ARHGEF28: variants seen among roughly 807,000 people sequenced by gnomAD.
ARHGEF28 encodes the protein Rho guanine nucleotide exchange factor 28.
Under a neutral mutation model 206.6 loss-of-function variants are expected in ARHGEF28, and 152 were observed. The ratio of observed to expected loss-of-function variants is 0.74; its 90% CI spans 0.64 to 0.84. The LOEUF (loss-of-function observed/expected upper bound fraction) is 0.84, where lower values mean the gene tolerates loss of function less well. ARHGEF28 is among the 40% of genes least tolerant of loss of function. The pLI is 0.00. For synonymous variants in ARHGEF28, 763 were observed against 776.4 expected (o/e 0.98, Z 0.29); for missense variants, 2,028 against 2,073.2 (o/e 0.98, Z 0.42).
intron 2 of ARHGEF28, among the ~76,000 whole-genome samples, chr5:73,741,971 T>C (rs147948409): frequency 0.011 from 1,712 of 152,252 alleles, 19 homozygotes; most frequent in Admixed American, 0.023. Context: ...TGTTAACTTT[T>C]GCTTTATATC....
At chr5:73,744,276 A>G (rs938707497) in intron 2 of ARHGEF28, among the ~76,000 whole-genome samples, 1 of 152,168 alleles carries the variant, frequency 6.6e-6, no homozygotes, top group African/African-American at 2.4e-5. Context: ...CTTTGTGCCC[A>G]CGGTGCTTCC....
Position 73,925,313 on chromosome 5 carries a change from G to A in ARHGEF28, c.4948+13738G>A, listed in dbSNP as rs575303743. On this transcript the variant is annotated intron_variant, in intron 35 of 35. Transcript: ENST00000513042. ...CCATAGGAATTCTGTTCATTGTGTG[G>A]AAGGCTACGCACCCCCACATCCCCA... Among the ~76,000 whole-genome samples, 6 of 152,218 alleles carry A rather than the reference G, an allele frequency of 3.9e-5. No homozygotes were observed. In the South Asian group the frequency reaches 1.2e-3, roughly 32 times the overall value.
chr5:73,840,937 A>G lies in ARHGEF28; in HGVS notation c.1427+177A>G, dbSNP rs1226067873. ...GAAAGTAAGACACTTAAGAAAACTG[A>G]CTAAAATATGATAAAGGAAAACCAC... is the stretch of plus-strand genomic sequence containing the variant. On this transcript the variant is annotated intron_variant, in intron 11 of 35. Coordinates refer to ENST00000513042, the MANE Select transcript of ARHGEF28 (RefSeq NM_001177693.2). Among the ~76,000 whole-genome samples, 3 of 152,204 alleles carry G rather than the reference A, an allele frequency of 2.0e-5. No individual in the cohort carries two copies. The East Asian group carries it at 5.8e-4, about 29-fold the overall frequency.
intron 9 of ARHGEF28, among the ~76,000 whole-genome samples, chr5:73,824,136 G>C (rs1318817308): frequency 6.6e-6 from 1 of 152,068 alleles, no homozygotes; most frequent in Admixed American, 6.5e-5. Context: ...TTGCATATCT[G>C]CCTGATCATC....
In ARHGEF28 at chr5:73,773,961, AC is replaced by A; in HGVS notation, c.585del (p.Asn196ThrfsTer8). 6.2e-7 allele frequency: 1 copy of A among 1,607,248 alleles called. No homozygotes were observed. Among genetic ancestry groups the A allele is most frequent in the East Asian group, 2.2e-5 (1 of 44,750 alleles). On this transcript the variant is annotated frameshift_variant, in exon 5 of 36. Coordinates refer to ENST00000513042, the MANE Select transcript of ARHGEF28 (RefSeq NM_001177693.2). LOFTEE classifies it high-confidence loss of function. ...CGGGGGGAGTCCAGGCCTTGGCTTTACCCAACGAAGAGGGTGCCACACCATT... is the reference window on the plus strand; with the variant it reads ...CGGGGGGAGTCCAGGCCTTGGCTTTACCAACGAAGAGGGTGCCACACCATT... ...LPGGVQALAL[P>X]NEEGATPLDL... is the part of the protein sequence containing the mutation.
At position 73,909,896 on chromosome 5, in the gene ARHGEF28, A is replaced by G. The variant is rs1397400151; in HGVS notation, c.4646A>G (p.Glu1549Gly). The G allele has an allele frequency of 1.3e-6, 2 of 1,500,502 alleles. No homozygotes were observed. Among genetic ancestry groups the G allele is most frequent in the African/African-American group, 1.4e-5 (1 of 71,406 alleles). The allele number at this position is 1,500,502 out of a possible 1,614,324, so 92.9% of individuals were successfully genotyped here. The change falls in exon 34 of 36, where the codon GAG (glutamate) becomes GGG (glycine). Residue 1549 changes from glutamate to glycine, a missense_variant and splice_region_variant. By Grantham distance (98) the Glu-to-Gly change is moderately conservative. Transcript: ENST00000513042. Reference protein sequence around the residue: ...LPAVLLPGGPEVMELNRSESL... With the variant: ...LPAVLLPGGPGVMELNRSESL... Reference sequence around the variant, plus strand: ...GCGGTGCTCCTTCCGGGTGGCCCCGAGGTATGGACCTTCTGCGGTGCTGTG... The same window carrying G: ...GCGGTGCTCCTTCCGGGTGGCCCCGGGGTATGGACCTTCTGCGGTGCTGTG...
intron 22 of ARHGEF28, among the ~76,000 whole-genome samples, chr5:73,875,653 C>T (rs1479179909): frequency 1.3e-5 from 2 of 151,838 alleles, no homozygotes; most frequent in Non-Finnish European, 2.9e-5. Context: ...GCCAGTTTTC[C>T]CAGCACCATT....
intron 35 of ARHGEF28, chr5:73,923,269 TGAGATAAAGCATGGTAAAAA>T: frequency 1.0e-6 from 1 of 1,003,822 alleles, no homozygotes; most frequent in Non-Finnish European, 1.4e-6. Flanking sequence ...ACAAGCAGTC[TGAGATAAAGCATGGTAAAAA>T]AAAATCAAAT....
chr5:73,635,817 CA>C (rs1369019364), intron 1 of ARHGEF28, among the ~76,000 whole-genome samples: 1 of 152,198 alleles, frequency 6.6e-6, no homozygotes, highest in Non-Finnish European at 1.5e-5. Flanking sequence ...TAGCAGGATT[CA>C]GCTGGCCATT....
At chr5:73,933,927 T>A (rs902914855) in intron 35 of ARHGEF28, among the ~76,000 whole-genome samples, 1 of 151,052 alleles carries the variant, frequency 6.6e-6, no homozygotes, top group South Asian at 2.1e-4. Context: ...AATGTTTTTT[T>A]TTTTTTCCCC....
intron 2 of ARHGEF28, among the ~76,000 whole-genome samples, chr5:73,742,784 A>G (rs975637826): frequency 2.0e-5 from 3 of 147,460 alleles, no homozygotes; most frequent in Non-Finnish European, 3.0e-5. Context: ...AGATTGCGCC[A>G]CTGCAGTCCG....
rs533838930 is a variant in ARHGEF28 at position 73,663,477 on chromosome 5, T to C, written c.-11-21364T>C. Among the ~76,000 whole-genome samples, 5 of 152,366 alleles carry C rather than the reference T, an allele frequency of 3.3e-5. No homozygotes were observed. In the East Asian group the frequency reaches 9.6e-4, roughly 29 times the overall value. ...TAAAGCAAAAGCTCCCTTCATTTTA[T>C]ATCCATTGCACTTGAACTGGTAACT... On this transcript the variant is annotated intron_variant, in intron 1 of 35. Transcript: ENST00000513042.
In ARHGEF28 at chr5:73,911,390, A is replaced by G. The variant is rs756414803; in HGVS notation, c.4763A>G (p.His1588Arg). 3.1e-6 allele frequency: 5 copies of G among 1,613,864 alleles called. No individual in the cohort carries two copies. In the East Asian group the frequency reaches 6.7e-5, roughly 22 times the overall value. The stretch of plus-strand genomic sequence containing the variant: ...AACAAACTGAATCCATCAGTTATCC[A>G]TCAGGATGCCACTTACCCTACAACT... ...TFNKLNPSVIHQDATYPTTQS... is the reference protein window; with the variant it reads ...TFNKLNPSVIRQDATYPTTQS... The change falls in exon 35 of 36, where the codon CAT (histidine) becomes CGT (arginine). Residue 1588 changes from histidine to arginine, a missense_variant. Around this residue, in one of 3 missense-constraint regions of ARHGEF28, gnomAD observed 803 missense variants for 768.0 expected, o/e 1.05. Transcript: ENST00000513042.
rs1757343857 is a variant in ARHGEF28, at chr5:73,832,260, T to C, written c.1025-78T>C. 3.4e-6 allele frequency: 5 copies of C among 1,488,686 alleles called. No individual in the cohort carries two copies. The Admixed American group carries it at 7.0e-5, about 21-fold the overall frequency. 92.2% of individuals were successfully genotyped at this position (1,488,686 alleles called of 1,614,324 possible). A position where few individuals can be genotyped will look rare whatever the true frequency, so the allele number is the denominator to read the frequency against. ...AAAATGCACTTGACTTTTTTTCTTATGGTCTAAGAAGGTAAAGCTTGACTG... is the reference window on the plus strand; with the variant it reads ...AAAATGCACTTGACTTTTTTTCTTACGGTCTAAGAAGGTAAAGCTTGACTG... On this transcript the variant is annotated intron_variant, in intron 9 of 35. Transcript: ENST00000513042.
chr5:73,891,399 C>T (rs1761620434), intron 26 of ARHGEF28, among the ~76,000 whole-genome samples: 1 of 152,128 alleles, frequency 6.6e-6, no homozygotes, highest in South Asian at 2.1e-4. Flanking sequence ...CCCTCCTTCT[C>T]AGTCTCTTTG....
rs115814227 is a variant in ARHGEF28, at chr5:73,638,268, A to T, written c.-12+11946A>T. On this transcript the variant is annotated intron_variant, in intron 1 of 35. Transcript: ENST00000513042. ...AGAAAAGATGATTCCTTTATATTCC[A>T]GTTTGTTTTATTGTGGCAATATGCT... Among the ~76,000 whole-genome samples, 783 of 152,302 alleles carry T rather than the reference A, an allele frequency of 5.1e-3. 6 individuals carry two copies. The highest frequency in any genetic ancestry group is 0.018 in the African/African-American group (759 of 41,568).
At chr5:73,679,750 C>T (rs1445748123) in intron 1 of ARHGEF28, among the ~76,000 whole-genome samples, 1 of 151,828 alleles carries the variant, frequency 6.6e-6, no homozygotes. Flanking sequence ...ATTGAAAAAC[C>T]AGTAGGTTTA....
chr5:73,870,996 A>G (rs1029595192), intron 21 of ARHGEF28, among the ~76,000 whole-genome samples: 1 of 152,204 alleles, frequency 6.6e-6, no homozygotes, highest in African/African-American at 2.4e-5. Context: ...GGTTATGGAC[A>G]TCAGATGAGA....
chr5:73,706,292 C>G (rs946090372), intron 2 of ARHGEF28, among the ~76,000 whole-genome samples: 1 of 151,698 alleles, frequency 6.6e-6, no homozygotes, highest in Non-Finnish European at 1.5e-5. Flanking sequence ...TGCAGTGAGC[C>G]GAGATCACAC....
Sources: allele counts gnomAD v4.1 joint callset (sites outside exome capture counted in the v4.1 genomes callset), GRCh38; gene constraint gnomAD v4.1.1; regional missense constraint gnomAD v4.1.1; transcripts MANE v1.5; gene names NCBI Gene and HGNC (gene_info 2026-07-23, HGNC 2026-07-21).